The following FHOD3 variants were observed in gnomAD, a reference collection of about 807,000 sequenced individuals.
FHOD3 encodes FH1/FH2 domain-containing protein 3.
Under a neutral mutation model 173.0 loss-of-function variants are expected in FHOD3, and 90 were observed. The observed-to-expected ratio is 0.52, with a 90% CI of 0.44 to 0.62. FHOD3 has a LOEUF of 0.62. Among genes scored for constraint, FHOD3 ranks in the 20% least tolerant of loss-of-function variants. The pLI, the probability that FHOD3 is intolerant of heterozygous loss-of-function variation, is 0.00. For missense variants in FHOD3, 1,945 were observed against 2,034.7 expected (o/e 0.96, Z 0.85); for synonymous variants, 828 against 823.0 (o/e 1.01, Z -0.10).
chr18:36,749,452 G>A (rs546302589), intron 24 of FHOD3, among the ~76,000 whole-genome samples: 5 of 152,228 alleles, frequency 3.3e-5, no homozygotes, highest in African/African-American at 1.2e-4. Context: ...TTCCCGTGTT[G>A]GTTTGCTAAG....
intron 7 of FHOD3, among the ~76,000 whole-genome samples, chr18:36,595,834 A>G (rs1448587556): frequency 6.6e-6 from 1 of 152,186 alleles, no homozygotes; most frequent in Non-Finnish European, 1.5e-5. Context: ...CCCCAGTAGG[A>G]CTCAGGTATT....
At chr18:36,595,376 G>T (rs967203016) in intron 7 of FHOD3, among the ~76,000 whole-genome samples, 2 of 152,018 alleles carry the variant, frequency 1.3e-5, no homozygotes, top group Admixed American at 1.3e-4. Context: ...CAAACAGTTC[G>T]GTCACATCCA....
chr18:36,512,412 A>C (rs1375558538), intron 4 of FHOD3, 26 bp from the exon 5 acceptor site: 3 of 1,539,114 alleles, frequency 1.9e-6, no homozygotes, highest in Non-Finnish European at 2.7e-6. Flanking sequence ...CAGTATTTGA[A>C]GTATTTTTGT....
At chr18:36,695,741 A>G (rs2039246436) in intron 17 of FHOD3, among the ~76,000 whole-genome samples, 1 of 152,240 alleles carries the variant, frequency 6.6e-6, no homozygotes, top group African/African-American at 2.4e-5. Context: ...TGCTTTGTAG[A>G]CATTGGCCTT....
intron 3 of FHOD3, among the ~76,000 whole-genome samples, chr18:36,440,012 T>A (rs1198522975): frequency 6.6e-6 from 1 of 152,148 alleles, no homozygotes; most frequent in African/African-American, 2.4e-5. Context: ...AATAATGTCT[T>A]ACTAGCTGTC....
In FHOD3 at chr18:36,717,906, A is replaced by G; in HGVS notation, c.2608A>G (p.Met870Val). ...CGACATCCTCACCAACAAACGGTTC[A>G]TGCTTGACATGCTGTATGCCCATAA... ...CGDILTNKRF[M>V]LDMLYAHNRK... Residue 870 changes from methionine to valine, a missense_variant, in exon 19 of 29, where the codon ATG becomes GTG. Met to Val is a conservative substitution (Grantham distance 21). Transcript: ENST00000590592. The G allele has an allele frequency of 6.2e-7, 1 of 1,613,662 alleles. No homozygotes were observed. The highest frequency in any genetic ancestry group is 1.1e-5 in the South Asian group (1 of 90,980).
chr18:36,348,037 G>C (rs1485205865), intron 1 of FHOD3, among the ~76,000 whole-genome samples: 1 of 152,186 alleles, frequency 6.6e-6, no homozygotes, highest in African/African-American at 2.4e-5. Flanking sequence ...ATGGGTTATG[G>C]GGGAATCATT....
rs142944620 is a variant in FHOD3 at position 36,703,285 on chromosome 18, T to C, written c.2237-5810T>C. 2.4e-3 allele frequency among the ~76,000 whole-genome samples: 369 copies of C among 152,272 alleles called. 1 individual carries two copies. Among genetic ancestry groups the C allele is most frequent in the African/African-American group, 8.5e-3 (354 of 41,568 alleles). ...GGTGTTAATATCCCAGTTTCCTTCT[T>C]CCTACCTTTGCTAGAACTTCCAGGG... On this transcript the variant is annotated intron_variant, in intron 17 of 28. Transcript: ENST00000590592.
At chr18:36,431,501 G>A (rs2050549278) in intron 3 of FHOD3, among the ~76,000 whole-genome samples, 1 of 152,240 alleles carries the variant, frequency 6.6e-6, no homozygotes, top group Non-Finnish European at 1.5e-5. Context: ...GGGCAGTACT[G>A]CCTTTGTGGG....
intron 14 of FHOD3, among the ~76,000 whole-genome samples, chr18:36,671,020 T>C (rs2037497860): frequency 6.6e-6 from 1 of 152,272 alleles, no homozygotes; most frequent in African/African-American, 2.4e-5. Flanking sequence ...CTGCCTTATA[T>C]AATTTCCAGA....
At chr18:36,541,352 G>A (rs988481773) in intron 5 of FHOD3, among the ~76,000 whole-genome samples, 1 of 152,022 alleles carries the variant, frequency 6.6e-6, no homozygotes, top group African/African-American at 2.4e-5. Context: ...GCCAAGATGG[G>A]AGGATTTCTT....
At chr18:36,687,649 T>C (rs1020439935) in intron 16 of FHOD3, among the ~76,000 whole-genome samples, 1 of 152,202 alleles carries the variant, frequency 6.6e-6, no homozygotes, top group Non-Finnish European at 1.5e-5. Flanking sequence ...AGCTCCTCGA[T>C]GGCAGGAACA....
chr18:36,625,741 G>A lies in FHOD3; in HGVS notation c.1188G>A (p.Leu396=), dbSNP rs773472581. The A allele has an allele frequency of 6.2e-7, 1 of 1,606,776 alleles. No individual in the cohort carries two copies. The highest frequency in any genetic ancestry group is 8.5e-7 in the Non-Finnish European group (1 of 1,175,518). The stretch of plus-strand genomic sequence containing the variant: ...TCAAGCCCAACCAAGTGCGAGATCT[G>A]CGTGAAAAGTAAGCATTAACTTGGC... ...PSFKPNQVRD[L]REKEEEEEEE... Residue 396 remains leucine (L), a synonymous_variant, in exon 10 of 29, where the codon CTG becomes CTA. Coordinates refer to ENST00000590592, the MANE Select transcript of FHOD3 (RefSeq NM_001281740.3).
intron 3 of FHOD3, among the ~76,000 whole-genome samples, chr18:36,481,427 G>A (rs1277902781): frequency 1.4e-5 from 2 of 146,456 alleles, no homozygotes; most frequent in East Asian, 2.0e-4. Context: ...CTGTAAAGTG[G>A]GGGCTGGGGA....
At chr18:36,682,169 G>A (rs1269259144) in intron 15 of FHOD3, among the ~76,000 whole-genome samples, 2 of 152,056 alleles carry the variant, frequency 1.3e-5, no homozygotes, top group Non-Finnish European at 2.9e-5. Context: ...TGATCCCAGT[G>A]TGCCTCGGCT....
At chr18:36,394,668 TG>T (rs2048465317) in intron 3 of FHOD3, among the ~76,000 whole-genome samples, 1 of 152,204 alleles carries the variant, frequency 6.6e-6, no homozygotes, top group African/African-American at 2.4e-5. Flanking sequence ...CCTCTCTTAG[TG>T]GTAGAGCAAG....
rs562362355 is a variant in FHOD3, at chr18:36,347,517, C to T, written c.166-8022C>T. 1.7e-3 allele frequency among the ~76,000 whole-genome samples: 260 copies of T among 152,234 alleles called. 1 individual carries two copies. Among genetic ancestry groups the T allele is most frequent in the African/African-American group, 5.7e-3 (235 of 41,552 alleles). ...ATTTCAAGACATTGCTTCTCTTGCT[C>T]GGTGGCCACAAAGAACATAACTTAT... On this transcript the variant is annotated intron_variant, in intron 1 of 28. Coordinates refer to ENST00000590592, the MANE Select transcript of FHOD3 (RefSeq NM_001281740.3).
intron 17 of FHOD3, among the ~76,000 whole-genome samples, 172 bp from the exon 18 acceptor site, chr18:36,708,923 C>A (rs2040022086): frequency 6.6e-6 from 1 of 152,150 alleles, no homozygotes; most frequent in African/African-American, 2.4e-5. Flanking sequence ...CTGCACAATC[C>A]CTTCACAGCA....
At position 36,523,077 on chromosome 18, in the gene FHOD3, G is replaced by GC. The variant is rs772656067; in HGVS notation, c.511+10540dup. On this transcript the variant is annotated intron_variant, in intron 5 of 28. Coordinates refer to ENST00000590592, the MANE Select transcript of FHOD3 (RefSeq NM_001281740.3). ...TCCCACAGGCAGCTAGTACTCCCTA[G>GC]CCCCCCAACCACACTGGAGTCGTGT... Among the ~76,000 whole-genome samples, 205 of 152,180 alleles carry GC rather than the reference G, an allele frequency of 1.3e-3. 1 individual carries two copies. Among genetic ancestry groups the GC allele is most frequent in the Non-Finnish European group, 1.5e-3 (99 of 68,008 alleles).
Sources: gnomAD v4.1 joint callset for allele counts (sites outside exome capture counted in the v4.1 genomes callset) on GRCh38, gnomAD v4.1.1 for gene constraint, MANE v1.5 for transcripts, NCBI Gene and HGNC (gene_info 2026-07-23, HGNC 2026-07-21) for gene names.